The following SAMD12 variants were observed in gnomAD, a reference collection of about 807,000 sequenced individuals.
SAMD12 encodes sterile alpha motif domain-containing protein 12.
Under a neutral mutation model 15.0 loss-of-function variants are expected in SAMD12, and 9 were observed. The ratio of observed to expected loss-of-function variants is 0.60; its 90% CI spans 0.36 to 1.05. The LOEUF is 1.05. Among genes scored for constraint, SAMD12 ranks in the 50% least tolerant of loss-of-function variants. The pLI, the probability that SAMD12 is intolerant of heterozygous loss-of-function variation, is 0.01. For missense variants in SAMD12, 230 were observed against 234.2 expected, an observed-to-expected ratio of 0.98 and a Z score of 0.12; for synonymous variants, 86 against 90.1, an observed-to-expected ratio of 0.96 and a Z score of 0.25.
intron 4 of SAMD12, among the ~76,000 whole-genome samples, chr8:118,358,468 G>A (rs1403439588): frequency 6.6e-6 from 1 of 152,044 alleles, no homozygotes; most frequent in African/African-American, 2.4e-5. Flanking sequence ...AACAACCAGC[G>A]GCCAATTTCA....
intron 4 of SAMD12, among the ~76,000 whole-genome samples, chr8:118,277,459 C>T (rs1646721906): frequency 6.6e-6 from 1 of 151,882 alleles, no homozygotes; most frequent in Non-Finnish European, 1.5e-5. Context: ...ATTCATCTTG[C>T]CAGAAACAGA....
At chr8:118,552,670 G>T (rs1343933693) in intron 2 of SAMD12, among the ~76,000 whole-genome samples, 6 of 152,230 alleles carry the variant, frequency 3.9e-5, no homozygotes, top group Non-Finnish European at 8.8e-5. Context: ...AGTGTTGGAA[G>T]TTCTGGCCAC....
At position 118,608,179 on chromosome 8, in the gene SAMD12, CA is replaced by C. The variant is rs1342798940; in HGVS notation, c.13+13624del. Among the ~76,000 whole-genome samples the C allele has an allele frequency of 1.1e-4, 16 of 151,984 alleles. No individual in the cohort carries two copies. In the South Asian group the frequency reaches 2.1e-3, roughly 20 times the overall value. On this transcript the variant is annotated intron_variant, in intron 1 of 3. Coordinates refer to ENST00000314727, the MANE Select transcript of SAMD12 (RefSeq NM_207506.3). ...CTCATCACTCATTTAAGCCTTATAACATTATTATATGGATTTGCCTCCCCAT... is the reference window on the plus strand; with the variant it reads ...CTCATCACTCATTTAAGCCTTATAACTTATTATATGGATTTGCCTCCCCAT...
intron 4 of SAMD12, among the ~76,000 whole-genome samples, chr8:118,213,328 A>G (rs1305785849): frequency 6.6e-6 from 1 of 152,198 alleles, no homozygotes; most frequent in Non-Finnish European, 1.5e-5. Flanking sequence ...GGAGGACTGG[A>G]AACTTCTGTT....
chr8:118,184,327 G>A, the SAMD12 span, among the ~76,000 whole-genome samples: 9 of 152,226 alleles, frequency 5.9e-5, 1 homozygote, highest in South Asian at 1.2e-3. Flanking sequence ...CTGACCAAAC[G>A]GGAATTAGGT....
At chr8:118,143,343 A>G in the SAMD12 span, among the ~76,000 whole-genome samples, 5 of 152,342 alleles carry the variant, frequency 3.3e-5, no homozygotes, top group Middle Eastern at 3.4e-3. Context: ...AAAATTCACT[A>G]AGGAATTATG....
At chr8:118,498,707 T>C (rs1824696567) in intron 2 of SAMD12, among the ~76,000 whole-genome samples, 2 of 152,178 alleles carry the variant, frequency 1.3e-5, no homozygotes, top group Admixed American at 6.5e-5. Context: ...AAAAATGATA[T>C]TGCCAAGATA....
chr8:118,411,130 C>G (rs1173962316), intron 3 of SAMD12, among the ~76,000 whole-genome samples: 2 of 152,128 alleles, frequency 1.3e-5, no homozygotes, highest in Non-Finnish European at 2.9e-5. Flanking sequence ...TTTGAAGAAT[C>G]TAAGTACATT....
At chr8:118,173,349 C>T in the SAMD12 span, among the ~76,000 whole-genome samples, 31 of 152,022 alleles carry the variant, frequency 2.0e-4, no homozygotes, top group African/African-American at 7.5e-4. Context: ...GAAGGGCAAG[C>T]TGGTGGATTA....
chr8:118,240,431 T>C (rs954932730), intron 4 of SAMD12, among the ~76,000 whole-genome samples: 1 of 152,186 alleles, frequency 6.6e-6, no homozygotes, highest in Non-Finnish European at 1.5e-5. Context: ...AAATTCATTT[T>C]TGGAGTCAGA....
intron 2 of SAMD12, among the ~76,000 whole-genome samples, chr8:118,486,425 A>AAG (rs559024086): frequency 0.37 from 54,839 of 149,094 alleles, 10,419 homozygotes; most frequent in East Asian, 0.66. Flanking sequence ...AAAAAAAAAA[A>AAG]AGAGAGAGAG....
intron 4 of SAMD12, among the ~76,000 whole-genome samples, chr8:118,331,870 T>C (rs931349298): frequency 1.3e-5 from 2 of 152,206 alleles, no homozygotes; most frequent in African/African-American, 4.8e-5. Context: ...TTCTTATTTG[T>C]ACACAGGGGT....
chr8:118,203,209 A>G (rs1485036289), intron 4 of SAMD12, among the ~76,000 whole-genome samples: 1 of 152,250 alleles, frequency 6.6e-6, no homozygotes, highest in African/African-American at 2.4e-5. Context: ...CTCATCAAAC[A>G]TGAATCCTAT....
chr8:118,264,681 C>T (rs1287749702), intron 4 of SAMD12, among the ~76,000 whole-genome samples: 1 of 152,062 alleles, frequency 6.6e-6, no homozygotes, highest in Admixed American at 6.6e-5. Context: ...ACACTTGCTC[C>T]CAGAGGCAAG....
chr8:118,310,216 G>C (rs1477680130), intron 4 of SAMD12, among the ~76,000 whole-genome samples: 1 of 152,112 alleles, frequency 6.6e-6, no homozygotes, highest in Non-Finnish European at 1.5e-5. Flanking sequence ...CCTTTGTGCT[G>C]TTTCCTTTGT....
rs114396784 is a variant in SAMD12 at position 118,279,858 on chromosome 8, C to T, written c.434-82126G>A. On this transcript the variant is annotated intron_variant, in intron 4 of 4. Transcript: ENST00000409003. ...ATTATGGGAGATGAACAGCCTGGCCCAGTGGGATTCACTTTACTGAAGAGG... is the reference window on the plus strand; with the variant it reads ...ATTATGGGAGATGAACAGCCTGGCCTAGTGGGATTCACTTTACTGAAGAGG... Among the ~76,000 whole-genome samples the T allele has an allele frequency of 6.5e-3, 985 of 152,276 alleles. 11 individuals are homozygous for T. Among genetic ancestry groups the T allele is most frequent in the African/African-American group, 0.023 (935 of 41,536 alleles).
At chr8:118,599,962 T>C (rs569620901) in intron 1 of SAMD12, among the ~76,000 whole-genome samples, 27 of 152,302 alleles carry the variant, frequency 1.8e-4, no homozygotes, top group African/African-American at 5.3e-4. Flanking sequence ...GATCTACTCG[T>C]AGATCTCTCA....
intron 4 of SAMD12, among the ~76,000 whole-genome samples, chr8:118,333,349 C>T (rs1374833911): frequency 6.6e-6 from 1 of 152,136 alleles, no homozygotes; most frequent in African/African-American, 2.4e-5. Flanking sequence ...AAACCCTTCT[C>T]ATCTACTTCC....
intron 4 of SAMD12, among the ~76,000 whole-genome samples, chr8:118,318,305 T>TATGTATATATATATAC (rs1816024462): frequency 1.5e-5 from 1 of 68,640 alleles, no homozygotes; most frequent in Non-Finnish European, 2.6e-5. Flanking sequence ...ATGGGAGATA[T>TATGTATATATATATAC]ATGTGTATAT....
Sources: gnomAD v4.1 joint callset for allele counts (sites outside exome capture counted in the v4.1 genomes callset) on GRCh38, gnomAD v4.1.1 for gene constraint, MANE v1.5 for transcripts, NCBI Gene and HGNC (gene_info 2026-07-23, HGNC 2026-07-21) for gene names.